The following ITFG1 variants were observed in gnomAD, a reference collection of about 807,000 sequenced individuals.
ITFG1 encodes the protein T-cell immunomodulatory protein.
ITFG1 carries 34 observed loss-of-function variants against 81.8 expected under a neutral mutation model. The observed-to-expected ratio is 0.42, with a 90% confidence interval of 0.32 to 0.55. ITFG1 has a LOEUF of 0.55. ITFG1 is among the 20% of genes least tolerant of loss of function. The pLI, the probability that ITFG1 is intolerant of heterozygous loss-of-function variation, is 0.17. For synonymous variants in ITFG1, 285 were observed against 270.6 expected (o/e 1.05, Z -0.52); for missense variants, 672 against 755.4 (o/e 0.89, Z 1.29).
At chr16:47,275,194 C>A (rs995580044) in intron 10 of ITFG1, among the ~76,000 whole-genome samples, 4 of 152,030 alleles carry the variant, frequency 2.6e-5, no homozygotes, top group Non-Finnish European at 4.4e-5. Context: ...TTATTCTACT[C>A]TGTTTAGCTG....
Position 47,179,290 on chromosome 16 carries a change from C to T in ITFG1, c.1454-16626G>A, listed in dbSNP as rs375036805. Reference sequence around the variant, plus strand: ...GACACATGCGCACATATGTTTATTGCGGCATTATTCACAATAGCAAAGACT... The same window carrying T: ...GACACATGCGCACATATGTTTATTGTGGCATTATTCACAATAGCAAAGACT... On this transcript the variant is annotated intron_variant, in intron 14 of 17. Coordinates refer to ENST00000320640, the MANE Select transcript of ITFG1 (RefSeq NM_030790.5). 5.9e-5 allele frequency among the ~76,000 whole-genome samples: 9 copies of T among 152,186 alleles called. No individual in the cohort carries two copies. The East Asian group carries it at 7.7e-4, about 13-fold the overall frequency.
chr16:47,454,470 A>G (rs1969427603), intron 2 of ITFG1, among the ~76,000 whole-genome samples: 1 of 152,186 alleles, frequency 6.6e-6, no homozygotes, highest in South Asian at 2.1e-4. Context: ...AAGGACACCA[A>G]GACATTCGGA....
At chr16:47,369,901 G>A (rs968211956) in intron 7 of ITFG1, among the ~76,000 whole-genome samples, 4 of 138,410 alleles carry the variant, frequency 2.9e-5, no homozygotes, top group Middle Eastern at 3.8e-3. Flanking sequence ...GGGCAGTGGC[G>A]CGATCTTGGC....
chr16:47,298,734 G>A (rs1967024146), intron 10 of ITFG1, among the ~76,000 whole-genome samples: 1 of 152,176 alleles, frequency 6.6e-6, no homozygotes, highest in Admixed American at 6.5e-5. Context: ...CCTGAGTGCT[G>A]TGCATCTTTT....
chr16:47,190,608 T>C (rs1458119821), intron 14 of ITFG1, among the ~76,000 whole-genome samples: 2 of 152,208 alleles, frequency 1.3e-5, no homozygotes, highest in African/African-American at 2.4e-5. Context: ...TTCTATCCCT[T>C]TCCTATCCAC....
Position 47,446,672 on chromosome 16 carries a change from C to G in ITFG1, c.560+4724G>C, listed in dbSNP as rs573573847. On this transcript the variant is annotated intron_variant, in intron 5 of 17. Transcript: ENST00000320640. The stretch of plus-strand genomic sequence containing the variant: ...CTTAGGCCTCCAGACTGATAAAAAT[C>G]AAGTATTTGTAAGGCATTTTCAACA... Among the ~76,000 whole-genome samples the G allele has an allele frequency of 2.0e-5, 3 of 152,118 alleles. No homozygotes were observed. The South Asian group carries it at 6.2e-4, about 32-fold the overall frequency.
At chr16:47,344,906 T>C (rs185569255) in intron 8 of ITFG1, among the ~76,000 whole-genome samples, 116 of 152,360 alleles carry the variant, frequency 7.6e-4, no homozygotes, top group Non-Finnish European at 4.7e-4. Flanking sequence ...GATCTCATTC[T>C]TTTTTATGAC....
At chr16:47,317,969 T>C (rs1967388791) in intron 8 of ITFG1, among the ~76,000 whole-genome samples, 1 of 152,162 alleles carries the variant, frequency 6.6e-6, no homozygotes, top group Non-Finnish European at 1.5e-5. Flanking sequence ...TAAGAAACTT[T>C]TTTCTGTGAA....
intron 8 of ITFG1, among the ~76,000 whole-genome samples, chr16:47,351,164 C>T (rs917496185): frequency 6.6e-6 from 1 of 152,112 alleles, no homozygotes; most frequent in African/African-American, 2.4e-5. Context: ...ACAGGGATGC[C>T]CTCTCTCACC....
chr16:47,416,391 A>G (rs964744976), intron 6 of ITFG1, among the ~76,000 whole-genome samples: 3 of 152,160 alleles, frequency 2.0e-5, no homozygotes, highest in Admixed American at 6.5e-5. Flanking sequence ...GAATTCATAC[A>G]TTACTTGTTT....
intron 6 of ITFG1, among the ~76,000 whole-genome samples, chr16:47,409,367 A>C (rs1238859591): frequency 1.0e-5 from 1 of 97,622 alleles, no homozygotes; most frequent in Non-Finnish European, 1.9e-5. Context: ...AGACACATAC[A>C]CACACACTAT....
At chr16:47,238,085 C>G in intron 12 of ITFG1, 77 bp from the exon 13 acceptor site, 1 of 748,108 alleles carries the variant, frequency 1.3e-6, no homozygotes, top group Non-Finnish European at 2.2e-6. Flanking sequence ...TCCCTAAGAT[C>G]CATTAATATA....
At chr16:47,226,206 A>G (rs1965755135) in intron 13 of ITFG1, among the ~76,000 whole-genome samples, 1 of 152,202 alleles carries the variant, frequency 6.6e-6, no homozygotes, top group Non-Finnish European at 1.5e-5. Context: ...TACTAACAAA[A>G]TAACTTTTTT....
chr16:47,391,169 T>C (rs1455989024), intron 6 of ITFG1, among the ~76,000 whole-genome samples: 3 of 152,036 alleles, frequency 2.0e-5, no homozygotes, highest in Admixed American at 6.6e-5. Context: ...GGCAGAGAAC[T>C]TCAGATCAGG....
chr16:47,190,164 A>G (rs1340693192), intron 14 of ITFG1, among the ~76,000 whole-genome samples: 4 of 152,090 alleles, frequency 2.6e-5, no homozygotes, highest in African/African-American at 9.7e-5. Context: ...CCTCTCTGAG[A>G]GGGAAAACAA....
At chr16:47,343,370 TAAA>T (rs1230216519) in intron 8 of ITFG1, among the ~76,000 whole-genome samples, 1 of 152,098 alleles carries the variant, frequency 6.6e-6, no homozygotes, top group African/African-American at 2.4e-5. Context: ...GCTAAAATCA[TAAA>T]ACCCTTAGTG....
chr16:47,213,384 G>A (rs1191451430), intron 14 of ITFG1, among the ~76,000 whole-genome samples: 2 of 152,108 alleles, frequency 1.3e-5, no homozygotes, highest in Non-Finnish European at 2.9e-5. Flanking sequence ...ATGTATTGCT[G>A]TTGTTGGGCA....
chr16:47,183,638 C>T (rs1344987123), intron 14 of ITFG1, among the ~76,000 whole-genome samples: 1 of 152,174 alleles, frequency 6.6e-6, no homozygotes, highest in Non-Finnish European at 1.5e-5. Flanking sequence ...CCCATCTGTA[C>T]ATCACCATCA....
Position 47,421,218 on chromosome 16 carries a change from G to GT in ITFG1, c.655+7585dup, listed in dbSNP as rs570381672. The stretch of plus-strand genomic sequence containing the variant: ...GAATCCATTTAGCCAGTCTAAAAAC[G>GT]TATGTGTGTGTGTATATATATGTAT... On this transcript the variant is annotated intron_variant, in intron 6 of 17. Coordinates refer to ENST00000320640, the MANE Select transcript of ITFG1 (RefSeq NM_030790.5). Among the ~76,000 whole-genome samples, 36 of 149,568 alleles carry GT rather than the reference G, an allele frequency of 2.4e-4. 2 individuals carry two copies. The South Asian group carries it at 7.4e-3, about 31-fold the overall frequency.
Sources: allele counts gnomAD v4.1 joint callset (sites outside exome capture counted in the v4.1 genomes callset), GRCh38; gene constraint gnomAD v4.1.1; transcripts MANE v1.5; gene names NCBI Gene and HGNC (gene_info 2026-07-23, HGNC 2026-07-21).